CNTN5: variants seen among roughly 807,000 people sequenced by gnomAD.
The protein encoded by CNTN5 is contactin-5.
Under a neutral mutation model 129.1 loss-of-function variants are expected in CNTN5, and 77 were observed. That is an observed-to-expected ratio of 0.60 (90% confidence interval 0.50 to 0.72). The LOEUF is 0.72. Among genes scored for constraint, CNTN5 ranks in the 30% least tolerant of loss-of-function variants. The probability of loss-of-function intolerance (pLI) is 0.00; values close to 1 mark genes in which losing one functional copy is unlikely to be tolerated. For synonymous variants in CNTN5, 509 were observed against 465.6 expected, an observed-to-expected ratio of 1.09 and a Z score of -1.20; for missense variants, 1,478 against 1,328.8, an observed-to-expected ratio of 1.11 and a Z score of -1.75.
intron 3 of CNTN5, among the ~76,000 whole-genome samples, chr11:99,715,769 C>T (rs12285863): frequency 0.019 from 2,824 of 151,908 alleles, 88 homozygotes; most frequent in African/African-American, 0.064. Context: ...AATAGATATA[C>T]TTGACTCATG....
intron 2 of CNTN5, among the ~76,000 whole-genome samples, chr11:99,345,895 A>G (rs1416925039): frequency 6.6e-6 from 1 of 152,212 alleles, no homozygotes; most frequent in African/African-American, 2.4e-5. Context: ...AGAAAACCTC[A>G]AGTATTTCAA....
intron 1 of CNTN5, among the ~76,000 whole-genome samples, chr11:99,301,622 T>C (rs11219271): frequency 0.053 from 7,972 of 151,722 alleles, 678 homozygotes; most frequent in African/African-American, 0.18. Flanking sequence ...AAAGAAAACA[T>C]AGACAATGAA....
chr11:99,792,573 G>GTCTGTCTGTCTGTC (rs1555113490), intron 3 of CNTN5, among the ~76,000 whole-genome samples: 3 of 116,614 alleles, frequency 2.6e-5, no homozygotes, highest in Admixed American at 1.8e-4. Context: ...GTGTGTGTGT[G>GTCTGTCTGTCTGTC]TGTCTGTCTG....
At chr11:99,610,323 C>T (rs1950556821) in intron 3 of CNTN5, among the ~76,000 whole-genome samples, 1 of 152,118 alleles carries the variant, frequency 6.6e-6, no homozygotes, top group African/African-American at 2.4e-5. Flanking sequence ...CCTGATGCAT[C>T]ATATTCTATC....
At position 99,190,077 on chromosome 11, in the gene CNTN5, T is replaced by TAA. The variant is rs1223866671; in HGVS notation, c.-209-135268_-209-135267insAA. Among the ~76,000 whole-genome samples the TAA allele has an allele frequency of 3.2e-3, 486 of 151,812 alleles. 3 individuals are homozygous for TAA. The highest frequency in any genetic ancestry group is 0.012 in the African/African-American group (478 of 41,532). ...TTTAACTTATTTGAGTTGATTTTTG[T>TAA]ATGTAGTATTAGATACTGATCTAAT... is the stretch of plus-strand genomic sequence containing the variant. On this transcript the variant is annotated intron_variant, in intron 1 of 24. Coordinates refer to ENST00000524871, the MANE Select transcript of CNTN5 (RefSeq NM_014361.4).
chr11:100,042,229 T>C (rs201236793), intron 9 of CNTN5, among the ~76,000 whole-genome samples: 6 of 127,692 alleles, frequency 4.7e-5, no homozygotes, highest in East Asian at 2.2e-4. Flanking sequence ...TTCTCTCTCT[T>C]TTTTTTTTTT....
chr11:99,961,244 A>C (rs927457644), intron 8 of CNTN5, among the ~76,000 whole-genome samples: 1 of 149,880 alleles, frequency 6.7e-6, no homozygotes, highest in Non-Finnish European at 1.5e-5. Flanking sequence ...TATAGTGTCA[A>C]GGAAGCCAAG....
At chr11:99,289,384 A>C (rs1008363748) in intron 1 of CNTN5, among the ~76,000 whole-genome samples, 2 of 151,852 alleles carry the variant, frequency 1.3e-5, no homozygotes, top group Admixed American at 1.3e-4. Context: ...TTCTCAGGTC[A>C]TCTCAAATGG....
intron 1 of CNTN5, among the ~76,000 whole-genome samples, chr11:99,152,082 A>C (rs1262943194): frequency 6.6e-6 from 1 of 152,192 alleles, no homozygotes. Flanking sequence ...TGACAGCTCA[A>C]CTTTAATGTT....
chr11:100,237,033 CA>C (rs201563757), intron 16 of CNTN5, among the ~76,000 whole-genome samples: 1,738 of 151,612 alleles, frequency 0.011, 28 homozygotes, highest in African/African-American at 0.04. Context: ...ACTAAAAATA[CA>C]AAAAATTAGC....
At chr11:99,881,662 A>G (rs1329550003) in intron 6 of CNTN5, among the ~76,000 whole-genome samples, 1 of 152,072 alleles carries the variant, frequency 6.6e-6, no homozygotes, top group South Asian at 2.1e-4. Flanking sequence ...AAAGGGGGGG[A>G]GCTGGCTTAG....
chr11:99,914,622 T>C (rs902233853), intron 6 of CNTN5, among the ~76,000 whole-genome samples: 1 of 152,106 alleles, frequency 6.6e-6, no homozygotes, highest in African/African-American at 2.4e-5. Flanking sequence ...CCCAGAAAAG[T>C]AGAACTAGAA....
At chr11:99,230,093 C>T (rs1860909302) in intron 1 of CNTN5, among the ~76,000 whole-genome samples, 2 of 151,918 alleles carry the variant, frequency 1.3e-5, no homozygotes, top group African/African-American at 4.8e-5. Context: ...AACTTACATA[C>T]AATGATTCTT....
chr11:99,231,904 G>A (rs2135731076), intron 1 of CNTN5, among the ~76,000 whole-genome samples: 1 of 152,198 alleles, frequency 6.6e-6, no homozygotes, highest in East Asian at 1.9e-4. Flanking sequence ...ATTAAATAGG[G>A]AATCATTTCC....
At chr11:99,822,414 A>C (rs988712541) in intron 4 of CNTN5, among the ~76,000 whole-genome samples, 2 of 152,224 alleles carry the variant, frequency 1.3e-5, no homozygotes, top group African/African-American at 4.8e-5. Context: ...TAAAACTGTT[A>C]AAGTGAATAG....
At chr11:99,531,821 A>C (rs557249393) in intron 2 of CNTN5, among the ~76,000 whole-genome samples, 1 of 152,332 alleles carries the variant, frequency 6.6e-6, no homozygotes, top group Admixed American at 6.5e-5. Flanking sequence ...GTTCGCTTAG[A>C]TTTCAGAAGA....
intron 2 of CNTN5, among the ~76,000 whole-genome samples, chr11:99,470,607 G>T (rs1945133315): frequency 6.6e-6 from 1 of 151,936 alleles, no homozygotes; most frequent in South Asian, 2.1e-4. Context: ...ATATGTATTT[G>T]ATGATATGTA....
At chr11:99,466,712 G>A (rs1189738635) in intron 2 of CNTN5, among the ~76,000 whole-genome samples, 1 of 152,126 alleles carries the variant, frequency 6.6e-6, no homozygotes, top group Non-Finnish European at 1.5e-5. Flanking sequence ...CCAGTCATTA[G>A]GAGACTTAAG....
chr11:100,040,296 C>T (rs1395262343), intron 9 of CNTN5, among the ~76,000 whole-genome samples: 3 of 152,178 alleles, frequency 2.0e-5, no homozygotes, highest in Non-Finnish European at 4.4e-5. Flanking sequence ...TATTGGAGAA[C>T]TGCAGATGCT....
Sources: gnomAD v4.1 joint callset for allele counts (sites outside exome capture counted in the v4.1 genomes callset) on GRCh38, gnomAD v4.1.1 for gene constraint, MANE v1.5 for transcripts, NCBI Gene and HGNC (gene_info 2026-07-23, HGNC 2026-07-21) for gene names.